Variants in GPHN observed in about 807,000 individuals in gnomAD.
The protein encoded by GPHN is gephyrin.
GPHN carries 17 observed loss-of-function variants against 95.5 expected under a neutral mutation model. The observed-to-expected ratio is 0.18, with a 90% confidence interval of 0.12 to 0.27. The LOEUF is 0.27. Among genes scored for constraint, GPHN ranks in the 10% least tolerant of loss-of-function variants. The probability of loss-of-function intolerance (pLI) is 1.00; values close to 1 mark genes in which losing one functional copy is unlikely to be tolerated. For synonymous variants in GPHN, 320 were observed against 322.5 expected, an observed-to-expected ratio of 0.99 and a Z score of 0.08; for missense variants, 660 against 978.1, an observed-to-expected ratio of 0.67 and a Z score of 4.34.
intron 1 of GPHN, among the ~76,000 whole-genome samples, chr14:66,546,270 G>A (rs1465130038): frequency 2.7e-5 from 4 of 150,568 alleles, no homozygotes; most frequent in Non-Finnish European, 5.9e-5. Context: ...GGGCAGAGAC[G>A]CTCCTCACTT....
chr14:66,651,621 G>A (rs916096183), intron 1 of GPHN, among the ~76,000 whole-genome samples: 17 of 152,140 alleles, frequency 1.1e-4, no homozygotes, highest in Admixed American at 9.8e-4. Context: ...GGCCTTAAAA[G>A]TATGTTTGAG....
chr14:66,574,914 G>C (rs1027283598), intron 1 of GPHN, among the ~76,000 whole-genome samples: 4 of 152,184 alleles, frequency 2.6e-5, no homozygotes, highest in Non-Finnish European at 4.4e-5. Context: ...TTTTCAGGCT[G>C]TTGGACTTAG....
chr14:67,352,619 G>C, the GPHN span: 3,324 of 219,144 alleles, frequency 0.015, 32 homozygotes, highest in Non-Finnish European at 0.021. Flanking sequence ...TGGGGAAAGA[G>C]TATTTCAGGC....
At chr14:67,477,594 C>T in the GPHN span, among the ~76,000 whole-genome samples, 1 of 152,104 alleles carries the variant, frequency 6.6e-6, no homozygotes, top group Non-Finnish European at 1.5e-5. Context: ...AGACAGCTCC[C>T]CCTAATGTCC....
At chr14:67,642,478 G>A in the GPHN span, 1 of 1,229,636 alleles carries the variant, frequency 8.1e-7, no homozygotes, top group Non-Finnish European at 1.1e-6. Flanking sequence ...GAATTTTTAG[G>A]GTAGATATTA....
chr14:66,805,452 A>G (rs2060508586), intron 3 of GPHN, among the ~76,000 whole-genome samples: 1 of 152,162 alleles, frequency 6.6e-6, no homozygotes, highest in African/African-American at 2.4e-5. Context: ...CTGAAGTCTT[A>G]ACATATTTCA....
At chr14:67,302,315 A>G in the GPHN span, 1 of 1,088,618 alleles carries the variant, frequency 9.2e-7, no homozygotes, top group Non-Finnish European at 1.2e-6. Flanking sequence ...ACTGAAGGTT[A>G]GTATTGTTGA....
chr14:66,860,323 A>G (rs895437138), intron 4 of GPHN, among the ~76,000 whole-genome samples: 2 of 152,146 alleles, frequency 1.3e-5, no homozygotes, highest in African/African-American at 4.8e-5. Flanking sequence ...GGCATGACAT[A>G]TTTAAAGTGC....
chr14:67,003,335 T>G (rs904913415), intron 9 of GPHN, among the ~76,000 whole-genome samples: 2 of 151,768 alleles, frequency 1.3e-5, no homozygotes, highest in East Asian at 3.8e-4. Context: ...TAACTCTTAA[T>G]TAGCTGATAT....
chr14:67,581,894 A>C, the GPHN span: 1 of 612,776 alleles, frequency 1.6e-6, no homozygotes, highest in South Asian at 2.0e-5. Context: ...ATGACCCTGC[A>C]TCTGCTCTGT....
chr14:67,342,084 G>C, the GPHN span, among the ~76,000 whole-genome samples: 2 of 151,800 alleles, frequency 1.3e-5, no homozygotes, highest in South Asian at 2.1e-4. Context: ...GAAAACCAGA[G>C]ACCTTTGTTC....
At chr14:66,805,488 A>G (rs910253952) in intron 3 of GPHN, among the ~76,000 whole-genome samples, 1 of 152,186 alleles carries the variant, frequency 6.6e-6, no homozygotes, top group South Asian at 2.1e-4. Flanking sequence ...TCCACAGTCC[A>G]AAGTCTCATC....
At chr14:67,655,028 C>CA in the GPHN span, among the ~76,000 whole-genome samples, 23,550 of 43,324 alleles carry the variant, frequency 0.54, 6,857 homozygotes, top group East Asian at 0.63. Context: ...GACTCCATCT[C>CA]AAAAAAAAAA....
intron 2 of GPHN, chr14:66,761,069 A>G (rs1213238075): frequency 2.2e-6 from 1 of 450,898 alleles, no homozygotes; most frequent in East Asian, 5.2e-5. Context: ...CCCTTTGGAG[A>G]CTTGGAACTG....
the GPHN span, among the ~76,000 whole-genome samples, chr14:67,347,659 C>G: frequency 3.3e-5 from 5 of 152,056 alleles, no homozygotes; most frequent in South Asian, 8.3e-4. Flanking sequence ...CACCACCACA[C>G]CCGGCTAATT....
the GPHN span, among the ~76,000 whole-genome samples, chr14:67,599,410 T>C: frequency 6.6e-6 from 1 of 152,160 alleles, no homozygotes; most frequent in African/African-American, 2.4e-5. Context: ...AATCTGGAAA[T>C]TGAGCACAGC....
chr14:66,968,139 A>T (rs973010316), intron 9 of GPHN, among the ~76,000 whole-genome samples: 19 of 151,990 alleles, frequency 1.3e-4, no homozygotes, highest in African/African-American at 4.3e-4. Context: ...AAAAATTAAA[A>T]TTTATTTTAA....
In GPHN at chr14:67,035,627, A is replaced by C. The variant is rs150526515; in HGVS notation, c.1006+11952A>C. On this transcript the variant is annotated intron_variant, in intron 10 of 22. Transcript: ENST00000478722. ...GCCAACAAATTGAATCACCTAGAAG[A>C]AGTGGATAAATTCCTAGAAACACAA... Among the ~76,000 whole-genome samples the C allele has an allele frequency of 5.3e-4, 81 of 152,068 alleles. No individual in the cohort carries two copies. In the East Asian group the frequency reaches 0.012, roughly 23 times the overall value.
the GPHN span, among the ~76,000 whole-genome samples, chr14:67,460,237 A>G: frequency 6.6e-6 from 1 of 152,092 alleles, no homozygotes; most frequent in Admixed American, 6.6e-5. Context: ...GTGTGGTGTC[A>G]TGGGAGGAGT....
Sources: gnomAD v4.1 joint callset for allele counts (sites outside exome capture counted in the v4.1 genomes callset) on GRCh38, gnomAD v4.1.1 for gene constraint, MANE v1.5 for transcripts, NCBI Gene and HGNC (gene_info 2026-07-23, HGNC 2026-07-21) for gene names.